The following ZMYM6 variants were observed in gnomAD, a reference collection of about 807,000 sequenced individuals.
ZMYM6 encodes zinc finger MYM-type protein 6.
A neutral mutation model predicts 134.0 loss-of-function variants in ZMYM6; 90 were observed. The ratio of observed to expected loss-of-function variants is 0.67; its 90% CI spans 0.57 to 0.80. ZMYM6 has a LOEUF of 0.80. Among genes scored for constraint, ZMYM6 ranks in the 30% least tolerant of loss-of-function variants. The pLI is 0.00. For missense variants in ZMYM6, 1,362 were observed against 1,533.9 expected, an observed-to-expected ratio of 0.89 and a Z score of 1.87; for synonymous variants, 481 against 524.1, an observed-to-expected ratio of 0.92 and a Z score of 1.12.
At chr1:34,994,190 C>T (rs767723331) in intron 14 of ZMYM6, among the ~76,000 whole-genome samples, 3 of 152,100 alleles carry the variant, frequency 2.0e-5, no homozygotes, top group Non-Finnish European at 4.4e-5. Context: ...CAAAGTTCTG[C>T]TCATATGAGC....
At chr1:34,997,811 A>T (rs1259721746) in intron 14 of ZMYM6, among the ~76,000 whole-genome samples, 2 of 152,152 alleles carry the variant, frequency 1.3e-5, no homozygotes, top group African/African-American at 4.8e-5. Context: ...GTACATACTT[A>T]CAATTTCTTA....
intron 2 of ZMYM6, among the ~76,000 whole-genome samples, chr1:35,025,536 T>C (rs1450751543): frequency 6.6e-6 from 1 of 151,346 alleles, no homozygotes; most frequent in African/African-American, 2.4e-5. Context: ...CATACAAGTT[T>C]GAAGACAATT....
intron 2 of ZMYM6, 189 bp downstream of exon 2, chr1:35,030,358 G>A: frequency 5.3e-6 from 3 of 563,214 alleles, no homozygotes; most frequent in Non-Finnish European, 9.3e-6. Flanking sequence ...CTTGAGCCTG[G>A]GAGGTGGAGG....
chr1:34,988,457 A>G lies in ZMYM6; in HGVS notation c.2625T>C (p.Thr875=), dbSNP rs758452351. 1 of 1,551,356 alleles carries G rather than the reference A, an allele frequency of 6.4e-7. No individual in the cohort carries two copies. The highest frequency in any genetic ancestry group is 1.2e-5 in the South Asian group (1 of 83,966). Residue 875 remains threonine, a synonymous_variant, in exon 16 of 16, where the codon ACT becomes ACC. Transcript: ENST00000357182. ...LGSSAGDKMK[T]IPLSNVTIQH... The stretch of plus-strand genomic sequence containing the variant: ...GAATTGTAACATTAGAAAGTGGAAT[A>G]GTTTTCATTTTGTCTCCAGCACTTG...
intron 2 of ZMYM6, among the ~76,000 whole-genome samples, chr1:35,026,060 G>A (rs9651002): frequency 0.22 from 32,781 of 151,732 alleles, 8,420 homozygotes; most frequent in African/African-American, 0.61. Flanking sequence ...TCCCTTTGTC[G>A]TCCAGATTGG....
At chr1:34,994,723 T>C (rs1335722041) in intron 14 of ZMYM6, among the ~76,000 whole-genome samples, 1 of 151,982 alleles carries the variant, frequency 6.6e-6, no homozygotes, top group African/African-American at 2.4e-5. Context: ...AAAATAATTG[T>C]GGTTTTTGCA....
intron 15 of ZMYM6, 86 bp downstream of exon 15, chr1:34,992,148 A>C (rs751112421): frequency 1.3e-6 from 2 of 1,533,498 alleles, no homozygotes; most frequent in Non-Finnish European, 1.8e-6. Context: ...AGACTCTGTC[A>C]ATTATTTTCT....
chr1:35,019,908 G>A (rs1002713046), intron 3 of ZMYM6, among the ~76,000 whole-genome samples: 4 of 152,020 alleles, frequency 2.6e-5, no homozygotes, highest in East Asian at 1.9e-4. Flanking sequence ...GAGCTCAAGC[G>A]ATCCTCCTGC....
intron 4 of ZMYM6, 138 bp downstream of exon 4, chr1:35,019,215 T>C: frequency 7.8e-7 from 1 of 1,280,684 alleles, no homozygotes; most frequent in Non-Finnish European, 1.1e-6. Context: ...TTAAAATTGG[T>C]GAATTCTTCC....
At chr1:35,023,746 G>A (rs915974368) in intron 2 of ZMYM6, among the ~76,000 whole-genome samples, 28 of 150,710 alleles carry the variant, frequency 1.9e-4, no homozygotes, top group Non-Finnish European at 3.7e-4. Flanking sequence ...CTCAGCCTCC[G>A]GAGTAGCTGG....
chr1:34,997,394 C>A (rs1373650842), intron 14 of ZMYM6, among the ~76,000 whole-genome samples: 2 of 152,154 alleles, frequency 1.3e-5, no homozygotes, highest in African/African-American at 4.8e-5. Flanking sequence ...ACCTCCGCCT[C>A]CCGGGATCAA....
At chr1:35,027,917 C>G (rs1001447657) in intron 2 of ZMYM6, among the ~76,000 whole-genome samples, 114 of 152,308 alleles carry the variant, frequency 7.5e-4, no homozygotes, top group African/African-American at 2.6e-3. Flanking sequence ...CCCCACTCCA[C>G]ATCTAACAGA....
intron 11 of ZMYM6, 34 bp from the exon 12 acceptor site, chr1:35,007,132 A>G: frequency 1.3e-6 from 2 of 1,567,854 alleles, no homozygotes; most frequent in Non-Finnish European, 8.6e-7. Flanking sequence ...ATAGGCTTAA[A>G]ACTATAAAAT....
intron 2 of ZMYM6, among the ~76,000 whole-genome samples, chr1:35,023,944 C>T (rs1641359486): frequency 6.6e-6 from 1 of 152,072 alleles, no homozygotes; most frequent in Admixed American, 6.6e-5. Flanking sequence ...AATTTCTTTG[C>T]CTTATCAACT....
intron 2 of ZMYM6, among the ~76,000 whole-genome samples, chr1:35,023,663 C>T (rs1182683166): frequency 6.6e-6 from 1 of 150,522 alleles, no homozygotes; most frequent in Non-Finnish European, 1.5e-5. Flanking sequence ...CGCTCTGTCA[C>T]CCATGCTGGA....
At chr1:35,010,388 C>T (rs1641064237) in intron 10 of ZMYM6, 59 bp downstream of exon 10, 2 of 1,550,696 alleles carry the variant, frequency 1.3e-6, no homozygotes, top group African/African-American at 2.8e-5. Context: ...GCTTAATTGC[C>T]CAAGTCGTCA....
intron 3 of ZMYM6, 101 bp downstream of exon 3, chr1:35,020,282 A>T (rs1021201530): frequency 6.2e-5 from 67 of 1,088,784 alleles, no homozygotes; most frequent in Non-Finnish European, 8.5e-5. Flanking sequence ...ACACAGCTCT[A>T]AAGAAAGAGA....
In ZMYM6 at chr1:35,005,257, G is replaced by C; in HGVS notation, c.1829C>G (p.Ala610Gly). Reference sequence around the variant, plus strand: ...AGGGAGCTCCGTCACAGCAGTTTTTGCTTTAGAAATATTTACTGATTAAAA... The same window carrying C: ...AGGGAGCTCCGTCACAGCAGTTTTTCCTTTAGAAATATTTACTGATTAAAA... ...LPQNKVNISK[A>G]KTAVTELPSA... Residue 610 changes from alanine to glycine, a missense_variant, in exon 13 of 16, where the codon GCA becomes GGA. By Grantham distance (60) the Ala-to-Gly change is moderately conservative (BLOSUM62 0). This residue lies in a region of ZMYM6 where 824 missense variants were observed against 940.9 expected (regional missense o/e 0.88). Coordinates refer to ENST00000357182, the MANE Select transcript of ZMYM6 (RefSeq NM_007167.4). 6.2e-7 allele frequency: 1 copy of C among 1,613,970 alleles called. No individual in the cohort carries two copies. The highest frequency in any genetic ancestry group is 8.5e-7 in the Non-Finnish European group (1 of 1,179,960).
At chr1:35,019,968 C>A in intron 3 of ZMYM6, among the ~76,000 whole-genome samples, 1 of 152,274 alleles carries the variant, frequency 6.6e-6, no homozygotes, top group East Asian at 1.9e-4. Context: ...CTAAACCCAG[C>A]CCAGTCTCTC....
Sources: gnomAD v4.1 joint callset for allele counts (sites outside exome capture counted in the v4.1 genomes callset) on GRCh38, gnomAD v4.1.1 for gene constraint, gnomAD v4.1.1 regional missense constraint, MANE v1.5 for transcripts, NCBI Gene and HGNC (gene_info 2026-07-23, HGNC 2026-07-21) for gene names.